The following PCDH7 variants were observed in gnomAD, a reference collection of about 807,000 sequenced individuals.
PCDH7 encodes the protein protocadherin-7.
Under a neutral mutation model 58.9 loss-of-function variants are expected in PCDH7, and 17 were observed. The observed-to-expected ratio is 0.29, with a 90% CI of 0.20 to 0.43. The LOEUF (loss-of-function observed/expected upper bound fraction) is 0.43. PCDH7 is among the 20% of genes least tolerant of loss of function. The pLI is 1.00. For missense variants in PCDH7, 1,274 were observed against 1,441.0 expected (o/e 0.88, Z 1.88); for synonymous variants, 664 against 616.4 (o/e 1.08, Z -1.14).
In PCDH7 at chr4:30,722,622, C is replaced by G. The variant is rs573561165; in HGVS notation, c.1200C>G (p.Thr400=). 3.1e-6 allele frequency: 5 copies of G among 1,613,414 alleles called. No individual in the cohort carries two copies. Among genetic ancestry groups the G allele is most frequent in the Admixed American group, 1.7e-5 (1 of 60,034 alleles). Residue 400 remains threonine (T), a synonymous_variant, in exon 1 of 2, where the codon ACC becomes ACG. Coordinates refer to ENST00000361762, the Ensembl canonical transcript of PCDH7. This position sits in a 1 kb window ranked among gnomAD's most constrained non-coding sequence, Gnocchi z 7.6. The stretch of plus-strand genomic sequence containing the variant: ...AGCCCCCCAAGACCGACAAGGCCAC[C>G]GTGGTCCTTAACATCAAAGACGAGA...
chr4:31,042,054 C>T (rs1315481535), intron 3 of PCDH7, among the ~76,000 whole-genome samples: 4 of 152,068 alleles, frequency 2.6e-5, no homozygotes, highest in African/African-American at 4.8e-5. Flanking sequence ...TGTTTCTGAT[C>T]GACAAAGTAT....
At chr4:31,086,409 T>A (rs1028112427) in intron 3 of PCDH7, among the ~76,000 whole-genome samples, 1 of 152,226 alleles carries the variant, frequency 6.6e-6, no homozygotes, top group African/African-American at 2.4e-5. Context: ...TCTGCACACA[T>A]GCACACCATA....
intron 3 of PCDH7, among the ~76,000 whole-genome samples, chr4:31,130,427 T>G (rs1288515341): frequency 6.6e-6 from 1 of 152,168 alleles, no homozygotes; most frequent in Non-Finnish European, 1.5e-5. Flanking sequence ...AAAAATCAGT[T>G]TTTCCACTCC....
chr4:30,863,943 A>G (rs1734537464), intron 1 of PCDH7, among the ~76,000 whole-genome samples: 2 of 152,138 alleles, frequency 1.3e-5, no homozygotes, highest in South Asian at 4.2e-4. Context: ...GGCAGCAGAT[A>G]AGTTTGGAAT....
At chr4:31,008,134 G>C (rs943370191) in intron 3 of PCDH7, among the ~76,000 whole-genome samples, 7 of 152,030 alleles carry the variant, frequency 4.6e-5, no homozygotes, top group African/African-American at 1.7e-4. Flanking sequence ...ACAGCAGCTG[G>C]AGAGGAGAAA....
intron 3 of PCDH7, among the ~76,000 whole-genome samples, chr4:30,953,515 C>T (rs981384562): frequency 2.0e-5 from 3 of 151,018 alleles, no homozygotes; most frequent in African/African-American, 4.9e-5. Flanking sequence ...AGTTTATGTT[C>T]TTATATTTAG....
chr4:30,788,285 ATGT>A (rs1485018373), intron 1 of PCDH7, among the ~76,000 whole-genome samples: 8 of 152,092 alleles, frequency 5.3e-5, no homozygotes, highest in Non-Finnish European at 8.8e-5. Context: ...GCAGACTGAC[ATGT>A]TTTTGTGTAG....
At chr4:30,966,278 T>G (rs1264011545) in intron 3 of PCDH7, among the ~76,000 whole-genome samples, 4 of 152,174 alleles carry the variant, frequency 2.6e-5, no homozygotes, top group Non-Finnish European at 5.9e-5. Context: ...TCATTTCAAC[T>G]TTGAGTCACA....
At chr4:30,872,001 C>T (rs1329638980) in intron 1 of PCDH7, among the ~76,000 whole-genome samples, 2 of 152,044 alleles carry the variant, frequency 1.3e-5, no homozygotes, top group East Asian at 3.9e-4. Context: ...TTAGGGTCTA[C>T]ATCAGTAAAT....
intron 3 of PCDH7, among the ~76,000 whole-genome samples, chr4:31,097,635 T>TATATATAA (rs1560221934): frequency 3.3e-4 from 15 of 45,698 alleles, no homozygotes; most frequent in South Asian, 1.6e-3. Context: ...TATATATATA[T>TATATATAA]ATAAATCTTT....
At chr4:30,896,413 C>T (rs1176036765) in intron 1 of PCDH7, among the ~76,000 whole-genome samples, 15 of 151,948 alleles carry the variant, frequency 9.9e-5, no homozygotes, top group African/African-American at 3.6e-4. Flanking sequence ...GTTTCTACCC[C>T]CACCTTGGGC....
intron 1 of PCDH7, among the ~76,000 whole-genome samples, chr4:30,825,521 G>A (rs1373113178): frequency 6.6e-6 from 1 of 152,096 alleles, no homozygotes; most frequent in African/African-American, 2.4e-5. Context: ...CCTGAGGATT[G>A]TCAGCAAGCC....
intron 1 of PCDH7, among the ~76,000 whole-genome samples, chr4:30,875,839 A>T (rs747482498): frequency 4.6e-5 from 7 of 152,138 alleles, no homozygotes; most frequent in Non-Finnish European, 1.0e-4. Context: ...AAGATTTATT[A>T]AGAAGTCCTG....
In PCDH7 at chr4:31,016,460, C is replaced by T. The variant is rs573865468; in HGVS notation, c.*7+66245C>T. 2.0e-5 allele frequency among the ~76,000 whole-genome samples: 3 copies of T among 150,010 alleles called. No homozygotes were observed. The East Asian group carries it at 6.0e-4, about 30-fold the overall frequency. ...TATTAGACAGGAGAGGGGGAAAGGC[C>T]ATCATCTAAACCAATGATTCAGCCA... On this transcript the variant is annotated intron_variant, in intron 3 of 3. Transcript: ENST00000509759.
intron 3 of PCDH7, among the ~76,000 whole-genome samples, chr4:31,028,942 A>G (rs1007621588): frequency 6.6e-6 from 1 of 152,212 alleles, no homozygotes; most frequent in African/African-American, 2.4e-5. Flanking sequence ...TGACATTGAT[A>G]TATTTTGATG....
chr4:30,916,836 G>A (rs1388045232), intron 1 of PCDH7, among the ~76,000 whole-genome samples: 1 of 151,992 alleles, frequency 6.6e-6, no homozygotes, highest in Non-Finnish European at 1.5e-5. Context: ...CATCAGCTGG[G>A]GATTTTTAAA....
chr4:31,048,694 T>C (rs1756484995), intron 3 of PCDH7, among the ~76,000 whole-genome samples: 1 of 151,498 alleles, frequency 6.6e-6, no homozygotes, highest in African/African-American at 2.4e-5. Flanking sequence ...GGAGAAAGCA[T>C]CCCACTAGTA....
downstream of PCDH7, chr4:31,145,970 A>G (rs2109352779): frequency 6.6e-6 from 1 of 152,252 alleles, no homozygotes; most frequent in African/African-American, 2.4e-5. Flanking sequence ...ATTATACATT[A>G]GGACACATTT....
At chr4:30,876,466 T>C (rs562557750) in intron 1 of PCDH7, among the ~76,000 whole-genome samples, 12 of 152,140 alleles carry the variant, frequency 7.9e-5, no homozygotes, top group African/African-American at 2.9e-4. Context: ...AATAAAAACA[T>C]TTGTGTAGGT....
Sources: gnomAD v4.1 joint callset for allele counts (sites outside exome capture counted in the v4.1 genomes callset) on GRCh38, gnomAD v4.1.1 for gene constraint, Gnocchi (gnomAD v3.1) non-coding constraint, MANE v1.5 for transcripts, NCBI Gene and HGNC (gene_info 2026-07-23, HGNC 2026-07-21) for gene names.